The following NSL1 variants were observed in gnomAD, a reference collection of about 807,000 sequenced individuals.
NSL1 encodes kinetochore-associated protein NSL1 homolog.
Under a neutral mutation model 25.4 loss-of-function variants are expected in NSL1, and 11 were observed. That is an observed-to-expected ratio of 0.43 (90% CI 0.27 to 0.72). The LOEUF (loss-of-function observed/expected upper bound fraction) is 0.72, where lower values mean the gene tolerates loss of function less well. Ranked by LOEUF, NSL1 falls within the 30% of genes least tolerant of loss-of-function variation. The pLI, the probability that NSL1 is intolerant of heterozygous loss-of-function variation, is 0.19. For synonymous variants in NSL1, 118 were observed against 120.6 expected, an observed-to-expected ratio of 0.98 and a Z score of 0.14; for missense variants, 330 against 342.7, an observed-to-expected ratio of 0.96 and a Z score of 0.29.
chr1:212,748,717 G>A (rs758872365), intron 4 of NSL1, among the ~76,000 whole-genome samples: 131 of 152,220 alleles, frequency 8.6e-4, no homozygotes, highest in Middle Eastern at 3.4e-3. Flanking sequence ...ACTAAAAAGG[G>A]GTATGGGAAA....
In NSL1 at chr1:212,733,973, C is replaced by G. The variant is rs1658128946; in HGVS notation, c.*4435G>C. ...CTTTATTCTTACTTTTCTAATTTGCCATTTCTTAATCTTTCTGTTTTATTT... is the reference window on the plus strand; with the variant it reads ...CTTTATTCTTACTTTTCTAATTTGCGATTTCTTAATCTTTCTGTTTTATTT... On this transcript the variant is annotated 3_prime_UTR_variant, in exon 6 of 6. Coordinates refer to ENST00000366977, the MANE Select transcript of NSL1 (RefSeq NM_015471.4). Among the ~76,000 whole-genome samples the G allele has an allele frequency of 6.6e-6, 1 of 152,102 alleles. No individual in the cohort carries two copies. The highest frequency in any genetic ancestry group is 2.1e-4 in the South Asian group (1 of 4,818).
chr1:212,752,243 ATATT>A (rs932784643), intron 4 of NSL1, among the ~76,000 whole-genome samples: 11 of 152,310 alleles, frequency 7.2e-5, no homozygotes, highest in Admixed American at 3.3e-4. Context: ...GCCTAGAAAC[ATATT>A]TATTTATTTA....
intron 2 of NSL1, 91 bp downstream of exon 2, chr1:212,787,468 A>C (rs1012690106): frequency 1.2e-6 from 1 of 824,384 alleles, no homozygotes; most frequent in Non-Finnish European, 1.9e-6. Context: ...AATAAATGAC[A>C]CTAAATATGG....
intron 4 of NSL1, among the ~76,000 whole-genome samples, chr1:212,763,079 C>G (rs1420413962): frequency 6.6e-6 from 1 of 152,152 alleles, no homozygotes; most frequent in Non-Finnish European, 1.5e-5. Flanking sequence ...GAGTTCCGTG[C>G]GCAGACTGCC....
chr1:212,777,306 G>C (rs1185170679), intron 4 of NSL1, among the ~76,000 whole-genome samples: 1 of 152,026 alleles, frequency 6.6e-6, no homozygotes, highest in Non-Finnish European at 1.5e-5. Flanking sequence ...GAGCCCAAGA[G>C]ATTGAGGTGG....
Position 212,729,078 on chromosome 1 carries a change from CAGTA to C in NSL1, c.*9326_*9329del. ...TTGGGCTTACAAGAAAAATAAATTG[CAGTA>C]AGTGTTAAAACTTGCCAGTCAATTA... On this transcript the variant is annotated 3_prime_UTR_variant, in exon 6 of 6. Coordinates refer to ENST00000366977, the MANE Select transcript of NSL1 (RefSeq NM_015471.4). 3 of 985,362 alleles carry C rather than the reference CAGTA, an allele frequency of 3.0e-6. No individual in the cohort carries two copies. Among genetic ancestry groups the C allele is most frequent in the South Asian group, 9.4e-5 (2 of 21,290 alleles). 61.0% of individuals were successfully genotyped at this position (985,362 alleles called of 1,614,324 possible). A position where few individuals can be genotyped will look rare whatever the true frequency, so the allele number is the denominator to read the frequency against.
chr1:212,738,046 A>C lies in NSL1; in HGVS notation c.*362T>G. The C allele has an allele frequency of 2.0e-6, 2 of 994,696 alleles. No individual in the cohort carries two copies. The highest frequency in any genetic ancestry group is 2.4e-6 in the Non-Finnish European group (2 of 836,802). The allele number at this position is 994,696 out of a possible 1,614,324, so 61.6% of individuals were successfully genotyped here. ...TCTCTTTTTTTTTTTTTTCCTAGAA[A>C]GATGTATACCAGGGAAACACAACAG... is the stretch of plus-strand genomic sequence containing the variant. On this transcript the variant is annotated 3_prime_UTR_variant, in exon 6 of 6. Coordinates refer to ENST00000366977, the MANE Select transcript of NSL1 (RefSeq NM_015471.4).
intron 1 of NSL1, among the ~76,000 whole-genome samples, 200 bp from the exon 2 acceptor site, chr1:212,787,837 T>C (rs1210921367): frequency 6.6e-6 from 1 of 152,190 alleles, no homozygotes; most frequent in Non-Finnish European, 1.5e-5. Context: ...ATAGCCATTA[T>C]GCTACCCAAG....
At chr1:212,778,573 A>AT (rs1296931319) in intron 4 of NSL1, among the ~76,000 whole-genome samples, 1 of 150,268 alleles carries the variant, frequency 6.7e-6, no homozygotes, top group Non-Finnish European at 1.5e-5. Context: ...TGGTTTTCGT[A>AT]TTTTTTTGGT....
At chr1:212,762,829 C>A (rs757868308) in intron 4 of NSL1, among the ~76,000 whole-genome samples, 1 of 152,170 alleles carries the variant, frequency 6.6e-6, no homozygotes, top group Non-Finnish European at 1.5e-5. Context: ...CAGAGGCAAG[C>A]CATTCCTGAC....
Position 212,786,669 on chromosome 1 carries a change from G to T in NSL1, c.313+890C>A, listed in dbSNP as rs536442901. On this transcript the variant is annotated intron_variant, in intron 2 of 5. Transcript: ENST00000366977. ...TTAAAAATACAAAAATGAGCCAGGC[G>T]TGGTGGCAAGCACCTGTGATTCCAG... 2.6e-5 allele frequency among the ~76,000 whole-genome samples: 4 copies of T among 152,150 alleles called. No individual in the cohort carries two copies. The East Asian group carries it at 7.7e-4, about 29-fold the overall frequency.
intron 4 of NSL1, among the ~76,000 whole-genome samples, chr1:212,773,578 T>C (rs929461397): frequency 7.9e-5 from 12 of 152,136 alleles, no homozygotes; most frequent in Non-Finnish European, 1.5e-4. Context: ...TTTTAGACAT[T>C]GTTGGTCAGA....
chr1:212,779,231 T>TG (rs1017935746), intron 4 of NSL1, among the ~76,000 whole-genome samples: 4 of 140,416 alleles, frequency 2.8e-5, no homozygotes, highest in South Asian at 4.6e-4. Flanking sequence ...GGGAGGGAGG[T>TG]GGGGGGTGGG....
At chr1:212,787,471 A>T in intron 2 of NSL1, 88 bp downstream of exon 2, 1 of 873,076 alleles carries the variant, frequency 1.1e-6, no homozygotes, top group South Asian at 1.7e-5. Flanking sequence ...AAATGACACT[A>T]AATATGGAGA....
At position 212,730,823 on chromosome 1, in the gene NSL1, C is replaced by T. The variant is rs1657983049; in HGVS notation, c.*7585G>A. The stretch of plus-strand genomic sequence containing the variant: ...CAGTGATCTGTCCTCAGTTTTTTAC[C>T]TCTCCCCTCCCCACACTCACCTTCT... On this transcript the variant is annotated 3_prime_UTR_variant, in exon 6 of 6. Coordinates refer to ENST00000366977, the MANE Select transcript of NSL1 (RefSeq NM_015471.4). The T allele has an allele frequency of 7.1e-6, 7 of 985,306 alleles. No homozygotes were observed. Among genetic ancestry groups the T allele is most frequent in the Non-Finnish European group, 8.4e-6 (7 of 829,898 alleles). The allele number at this position is 985,306 out of a possible 1,614,324, so 61.0% of individuals were successfully genotyped here.
chr1:212,775,786 T>C (rs1238503573), intron 4 of NSL1, among the ~76,000 whole-genome samples: 7 of 151,840 alleles, frequency 4.6e-5, no homozygotes, highest in Non-Finnish European at 8.8e-5. Flanking sequence ...TAAATGTAAT[T>C]AATCATTGAG....
chr1:212,787,062 C>A (rs1277133963), intron 2 of NSL1, among the ~76,000 whole-genome samples: 2 of 151,684 alleles, frequency 1.3e-5, no homozygotes, highest in Non-Finnish European at 2.9e-5. Context: ...ACTAGGGAGG[C>A]TGAGGCACAA....
chr1:212,727,690 G>T lies in NSL1; in HGVS notation c.*10718C>A, dbSNP rs1451763091. On this transcript the variant is annotated 3_prime_UTR_variant, in exon 6 of 6. Coordinates refer to ENST00000366977, the MANE Select transcript of NSL1 (RefSeq NM_015471.4). Reference sequence around the variant, plus strand: ...ACAATCAGGACTGTTAGCTTCCCACGATGAAAGAATGACTAGCTATGATGA... The same window carrying T: ...ACAATCAGGACTGTTAGCTTCCCACTATGAAAGAATGACTAGCTATGATGA... The T allele has an allele frequency of 2.0e-6, 2 of 984,994 alleles. No individual in the cohort carries two copies. Among genetic ancestry groups the T allele is most frequent in the African/African-American group, 3.5e-5 (2 of 57,212 alleles). 61.0% of individuals were successfully genotyped at this position (984,994 alleles called of 1,614,324 possible).
chr1:212,784,610 A>G (rs1660864501), intron 2 of NSL1, 117 bp from the exon 3 acceptor site: 1 of 575,534 alleles, frequency 1.7e-6, no homozygotes, highest in African/African-American at 1.9e-5. Context: ...AAGGAAAACA[A>G]ATATGGCAAG....
Sources: gnomAD v4.1 joint callset for allele counts (sites outside exome capture counted in the v4.1 genomes callset) on GRCh38, gnomAD v4.1.1 for gene constraint, MANE v1.5 for transcripts, NCBI Gene and HGNC (gene_info 2026-07-23, HGNC 2026-07-21) for gene names.